KDM4C: variants seen among roughly 807,000 people sequenced by gnomAD.
KDM4C encodes the protein lysine-specific demethylase 4C.
In KDM4C, 81 loss-of-function variants were observed where a neutral mutation model predicts 129.3. The observed-to-expected ratio is 0.63, with a 90% CI of 0.52 to 0.75. The LOEUF (loss-of-function observed/expected upper bound fraction) is 0.75. Ranked by LOEUF, KDM4C falls within the 30% of genes least tolerant of loss-of-function variation. The pLI, the probability that KDM4C is intolerant of heterozygous loss-of-function variation, is 0.00. For synonymous variants in KDM4C, 573 were observed against 456.1 expected, an observed-to-expected ratio of 1.26 and a Z score of -3.26; for missense variants, 1,457 against 1,304.0, an observed-to-expected ratio of 1.12 and a Z score of -1.81.
intron 1 of KDM4C, among the ~76,000 whole-genome samples, chr9:6,760,078 TC>T (rs1276476277): frequency 1.3e-5 from 2 of 152,132 alleles, no homozygotes; most frequent in Non-Finnish European, 2.9e-5. Flanking sequence ...GAAGCTCTGT[TC>T]CTATTAGCTG....
At chr9:6,934,961 T>A (rs1255112277) in intron 8 of KDM4C, among the ~76,000 whole-genome samples, 1 of 152,134 alleles carries the variant, frequency 6.6e-6, no homozygotes, top group Non-Finnish European at 1.5e-5. Context: ...ATTTTTTTCT[T>A]TCAGTAGTGA....
chr9:7,040,392 TGTGTGTGTGTGTGC>T (rs1226407815), intron 15 of KDM4C, among the ~76,000 whole-genome samples: 130 of 146,574 alleles, frequency 8.9e-4, no homozygotes, highest in African/African-American at 3.2e-3. Context: ...TGTGTGTGTG[TGTGTGTGTGTGTGC>T]GTGTGTATGT....
chr9:6,997,501 A>G (rs1452843692), intron 12 of KDM4C, among the ~76,000 whole-genome samples: 1 of 152,250 alleles, frequency 6.6e-6, no homozygotes, highest in Non-Finnish European at 1.5e-5. Context: ...CCATGTGGTC[A>G]AGTTTATACC....
intron 1 of KDM4C, among the ~76,000 whole-genome samples, chr9:6,761,553 C>G (rs1302692748): frequency 1.3e-5 from 2 of 152,090 alleles, no homozygotes; most frequent in African/African-American, 4.8e-5. Flanking sequence ...CTCCCGGGCT[C>G]AAGCAGTCCG....
At chr9:6,863,589 G>T (rs1841374092) in intron 5 of KDM4C, among the ~76,000 whole-genome samples, 1 of 152,050 alleles carries the variant, frequency 6.6e-6, no homozygotes, top group African/African-American at 2.4e-5. Context: ...GAGGTCAGGA[G>T]ATCGAGACCA....
intron 5 of KDM4C, among the ~76,000 whole-genome samples, chr9:6,851,792 C>G (rs1838892192): frequency 6.6e-6 from 1 of 152,272 alleles, no homozygotes; most frequent in East Asian, 1.9e-4. Context: ...GAAGAATATT[C>G]TGGTCAGGGC....
chr9:6,864,645 T>C (rs1372005931), intron 5 of KDM4C, among the ~76,000 whole-genome samples: 2 of 151,866 alleles, frequency 1.3e-5, no homozygotes, highest in African/African-American at 2.4e-5. Flanking sequence ...ATTTTTTTTT[T>C]TAAATTTATT....
chr9:6,725,931 A>ATT lies in KDM4C; in HGVS notation c.49+4946_49+4947dup, dbSNP rs1228503073. ...TTTCTTTCTTTTCTTTTCTTTCTTT[A>ATT]TTTTTTTTTTTTTGAGACAGAGTCT... On this transcript the variant is annotated intron_variant, in intron 1 of 17. Transcript: ENST00000536108. 4.5e-4 allele frequency among the ~76,000 whole-genome samples: 26 copies of ATT among 57,664 alleles called. 1 individual carries two copies. Among genetic ancestry groups the ATT allele is most frequent in the African/African-American group, 1.8e-3 (26 of 14,690 alleles). The allele number at this position is 57,664 out of a possible 152,430, so 37.8% of individuals were successfully genotyped here. A position where few individuals can be genotyped will look rare whatever the true frequency, so the allele number is the denominator to read the frequency against.
chr9:6,728,469 G>T (rs1817216115), intron 1 of KDM4C, among the ~76,000 whole-genome samples: 1 of 152,064 alleles, frequency 6.6e-6, no homozygotes, highest in Non-Finnish European at 1.5e-5. Context: ...AGGAGGCAGA[G>T]GTTTCAGTGA....
intron 17 of KDM4C, among the ~76,000 whole-genome samples, chr9:7,058,934 G>C (rs1167654566): frequency 6.6e-6 from 1 of 151,874 alleles, no homozygotes; most frequent in Non-Finnish European, 1.5e-5. Flanking sequence ...TTTCTAAAAA[G>C]TGAATGACAA....
intron 8 of KDM4C, among the ~76,000 whole-genome samples, chr9:6,912,943 G>T (rs1182834001): frequency 2.0e-5 from 3 of 151,792 alleles, no homozygotes. Context: ...TTTTCGTATG[G>T]TACCTTTTCT....
At chr9:7,014,305 G>A (rs1823244175) in intron 14 of KDM4C, 1 of 249,452 alleles carries the variant, frequency 4.0e-6, no homozygotes, top group African/African-American at 2.2e-5. Context: ...CTTACTTTAA[G>A]ATCTAGTTTA....
chr9:6,919,969 G>A (rs1276210276), intron 8 of KDM4C, among the ~76,000 whole-genome samples: 1 of 152,180 alleles, frequency 6.6e-6, no homozygotes, highest in African/African-American at 2.4e-5. Context: ...GTCATTCATT[G>A]TGGAATTGCC....
At chr9:6,789,812 G>A (rs987475220) in intron 1 of KDM4C, among the ~76,000 whole-genome samples, 1 of 152,060 alleles carries the variant, frequency 6.6e-6, no homozygotes, top group African/African-American at 2.4e-5. Context: ...CCCTGTTGCA[G>A]GCCCCCTCCC....
chr9:6,987,523 G>C (rs1443511242), intron 11 of KDM4C, among the ~76,000 whole-genome samples: 1 of 152,140 alleles, frequency 6.6e-6, no homozygotes, highest in Admixed American at 6.5e-5. Flanking sequence ...GGATCAGGAA[G>C]GAGTAATTGT....
intron 21 of KDM4C, chr9:7,170,682 TG>T: frequency 1.0e-6 from 1 of 973,112 alleles, no homozygotes; most frequent in Non-Finnish European, 1.2e-6. Context: ...TTTGAATGGA[TG>T]GGGTTTTTCT....
At chr9:6,804,583 C>T (rs1051001348) in intron 2 of KDM4C, among the ~76,000 whole-genome samples, 1 of 151,534 alleles carries the variant, frequency 6.6e-6, no homozygotes, top group African/African-American at 2.4e-5. Flanking sequence ...GATGGTGAAA[C>T]CCTGTCTCTA....
At position 6,924,450 on chromosome 9, in the gene KDM4C, C is replaced by T. The variant is rs144985402; in HGVS notation, c.921+31218C>T. Among the ~76,000 whole-genome samples the T allele has an allele frequency of 5.9e-3, 901 of 152,266 alleles. 12 individuals are homozygous for T. The highest frequency in any genetic ancestry group is 0.01 in the Non-Finnish European group (707 of 68,010). On this transcript the variant is annotated intron_variant, in intron 8 of 21. Transcript: ENST00000381309. ...GGAGAGTGAGGGCCCAGGGCTGCAGCGCTCTGTTGGACTTGCCTCACACCA... is the reference window on the plus strand; with the variant it reads ...GGAGAGTGAGGGCCCAGGGCTGCAGTGCTCTGTTGGACTTGCCTCACACCA...
intron 12 of KDM4C, among the ~76,000 whole-genome samples, chr9:6,992,036 T>G (rs1818847747): frequency 2.6e-5 from 4 of 152,010 alleles, no homozygotes; most frequent in African/African-American, 9.7e-5. Context: ...TTTTGCTACT[T>G]TATTATACCC....
Sources: gnomAD v4.1 joint callset for allele counts (sites outside exome capture counted in the v4.1 genomes callset) on GRCh38, gnomAD v4.1.1 for gene constraint, MANE v1.5 for transcripts, NCBI Gene and HGNC (gene_info 2026-07-23, HGNC 2026-07-21) for gene names.